AKAP6: variants seen among roughly 807,000 people sequenced by gnomAD.
AKAP6 encodes the protein A-kinase anchoring protein 6.
AKAP6 carries 58 observed loss-of-function variants against 188.5 expected under a neutral mutation model. The ratio of observed to expected loss-of-function variants is 0.31; its 90% CI spans 0.25 to 0.38. The LOEUF is 0.38. Ranked by LOEUF, AKAP6 falls within the 10% of genes least tolerant of loss-of-function variation. The probability of loss-of-function intolerance (pLI) is 1.00; values close to 1 mark genes in which losing one functional copy is unlikely to be tolerated. For missense variants in AKAP6, 2,710 were observed against 2,740.0 expected (o/e 0.99, Z 0.24); for synonymous variants, 989 against 998.6 (o/e 0.99, Z 0.18).
rs557420189 is a variant in AKAP6 at position 32,342,933 on chromosome 14, C to A, written c.-35+13525C>A. Reference sequence around the variant, plus strand: ...TATCATTTGTCTTTGGAATTAATTCCAGTAGGCAGGAGCCAGTTTTAACTC... The same window carrying A: ...TATCATTTGTCTTTGGAATTAATTCAAGTAGGCAGGAGCCAGTTTTAACTC... On this transcript the variant is annotated intron_variant, in intron 1 of 13. Transcript: ENST00000280979. Among the ~76,000 whole-genome samples the A allele has an allele frequency of 5.9e-5, 9 of 152,258 alleles. No homozygotes were observed. In the South Asian group the frequency reaches 1.9e-3, roughly 32 times the overall value.
chr14:32,764,276 A>G (rs184836914), intron 11 of AKAP6, among the ~76,000 whole-genome samples: 1 of 152,358 alleles, frequency 6.6e-6, no homozygotes, highest in Admixed American at 6.5e-5. Context: ...TATTTGTTCA[A>G]TGAATGAATC....
chr14:32,341,463 G>A (rs1051857006), intron 1 of AKAP6, among the ~76,000 whole-genome samples: 1 of 152,122 alleles, frequency 6.6e-6, no homozygotes, highest in Non-Finnish European at 1.5e-5. Flanking sequence ...AGCAATGTTA[G>A]TCTTTACTAT....
chr14:32,803,389 G>A (rs2034006010), intron 12 of AKAP6, among the ~76,000 whole-genome samples: 1 of 151,854 alleles, frequency 6.6e-6, no homozygotes, highest in African/African-American at 2.4e-5. Flanking sequence ...ATATTTACAG[G>A]TGTTATCTCT....
intron 2 of AKAP6, among the ~76,000 whole-genome samples, chr14:32,531,663 C>T (rs1882422385): frequency 6.6e-6 from 1 of 152,152 alleles, no homozygotes; most frequent in Non-Finnish European, 1.5e-5. Context: ...TCCCCAGTCT[C>T]TAGTAGTCAC....
intron 2 of AKAP6, among the ~76,000 whole-genome samples, chr14:32,445,301 A>G (rs1157690491): frequency 6.6e-6 from 1 of 152,130 alleles, no homozygotes; most frequent in Admixed American, 6.6e-5. Context: ...ACTCTGAATG[A>G]TAGCTAAAAT....
intron 12 of AKAP6, 151 bp downstream of exon 12, chr14:32,774,044 A>G (rs1163934654): frequency 2.7e-6 from 2 of 746,700 alleles, no homozygotes; most frequent in Non-Finnish European, 4.5e-6. Context: ...TTAACTAACT[A>G]AAGCTCATAG....
intron 2 of AKAP6, among the ~76,000 whole-genome samples, chr14:32,483,207 AG>A (rs1879456113): frequency 6.6e-6 from 1 of 152,102 alleles, no homozygotes; most frequent in Admixed American, 6.5e-5. Context: ...ATTGAAAGTG[AG>A]GTTGAAAATA....
intron 4 of AKAP6, among the ~76,000 whole-genome samples, chr14:32,570,798 A>G (rs1362564754): frequency 2.6e-5 from 4 of 152,176 alleles, no homozygotes; most frequent in African/African-American, 9.7e-5. Flanking sequence ...TATGAGAAGC[A>G]CTTTTTCCCC....
intron 1 of AKAP6, among the ~76,000 whole-genome samples, chr14:32,416,047 T>G (rs1304059840): frequency 1.3e-5 from 2 of 152,214 alleles, no homozygotes; most frequent in African/African-American, 4.8e-5. Context: ...TTTCAATCAA[T>G]TTGGGCATAT....
At chr14:32,397,915 G>A (rs1888933361) in intron 1 of AKAP6, among the ~76,000 whole-genome samples, 1 of 152,178 alleles carries the variant, frequency 6.6e-6, no homozygotes, top group African/African-American at 2.4e-5. Context: ...CTGAAAACCT[G>A]TCATCACCTG....
intron 11 of AKAP6, among the ~76,000 whole-genome samples, chr14:32,749,223 A>G (rs1481757853): frequency 6.6e-6 from 1 of 152,120 alleles, no homozygotes; most frequent in African/African-American, 2.4e-5. Flanking sequence ...TTTTTGATTG[A>G]GAAGATTCCT....
intron 5 of AKAP6, among the ~76,000 whole-genome samples, chr14:32,586,385 C>T (rs150451422): frequency 8.0e-4 from 122 of 152,174 alleles, no homozygotes; most frequent in Non-Finnish European, 1.4e-3. Flanking sequence ...CCTAGCAGTT[C>T]GGGAGGTGGA....
At chr14:32,751,592 A>T (rs144610075) in intron 11 of AKAP6, among the ~76,000 whole-genome samples, 41 of 143,470 alleles carry the variant, frequency 2.9e-4, no homozygotes, top group African/African-American at 9.8e-4. Flanking sequence ...CTGTTTGATT[A>T]TCGTAATTTC....
chr14:32,407,969 C>A (rs1213071615), intron 1 of AKAP6, among the ~76,000 whole-genome samples: 1 of 152,122 alleles, frequency 6.6e-6, no homozygotes, highest in Non-Finnish European at 1.5e-5. Flanking sequence ...GTGTTTATTG[C>A]CAGATGATGT....
At chr14:32,585,991 C>T (rs1388815801) in intron 5 of AKAP6, among the ~76,000 whole-genome samples, 2 of 151,968 alleles carry the variant, frequency 1.3e-5, no homozygotes, top group African/African-American at 4.8e-5. Context: ...CATTGAAGGT[C>T]CGGGTTTGTT....
intron 6 of AKAP6, among the ~76,000 whole-genome samples, chr14:32,599,886 A>AGTAC (rs1486093209): frequency 6.6e-6 from 1 of 152,230 alleles, no homozygotes; most frequent in Non-Finnish European, 1.5e-5. Flanking sequence ...TATAGATATC[A>AGTAC]TTACAGATAT....
At chr14:32,781,199 T>G (rs991242097) in intron 12 of AKAP6, among the ~76,000 whole-genome samples, 1 of 151,806 alleles carries the variant, frequency 6.6e-6, no homozygotes, top group Non-Finnish European at 1.5e-5. Flanking sequence ...CTAGCTAGAT[T>G]GATTAGGGAA....
intron 2 of AKAP6, among the ~76,000 whole-genome samples, chr14:32,492,355 TAGAGAGAGAG>T (rs1555333490): frequency 6.1e-5 from 5 of 82,586 alleles, no homozygotes; most frequent in African/African-American, 1.3e-4. Flanking sequence ...TATATATATA[TAGAGAGAGAG>T]AGAGAGAGAG....
chr14:32,388,045 G>A (rs1473703627), intron 1 of AKAP6, among the ~76,000 whole-genome samples: 1 of 151,832 alleles, frequency 6.6e-6, no homozygotes, highest in East Asian at 1.9e-4. Flanking sequence ...TCTGTTTAGG[G>A]TATCTAACTC....
Sources: allele counts gnomAD v4.1 joint callset (sites outside exome capture counted in the v4.1 genomes callset), GRCh38; gene constraint gnomAD v4.1.1; transcripts MANE v1.5; gene names NCBI Gene and HGNC (gene_info 2026-07-23, HGNC 2026-07-21).